GLRB: variants seen among roughly 807,000 people sequenced by gnomAD.
GLRB encodes glycine receptor subunit beta.
Under a neutral mutation model 54.2 loss-of-function variants are expected in GLRB, and 33 were observed. That is an observed-to-expected ratio of 0.61 (90% CI 0.46 to 0.81). The LOEUF is 0.81. Ranked by LOEUF, GLRB falls within the 40% of genes least tolerant of loss-of-function variation. The probability of loss-of-function intolerance (pLI) is 0.00; values close to 1 mark genes in which losing one functional copy is unlikely to be tolerated. For missense variants in GLRB, 572 were observed against 584.6 expected, an observed-to-expected ratio of 0.98 and a Z score of 0.22; for synonymous variants, 209 against 208.2, an observed-to-expected ratio of 1.00 and a Z score of -0.03.
At chr4:157,099,577 C>T (rs1010481007) in intron 2 of GLRB, among the ~76,000 whole-genome samples, 7 of 152,116 alleles carry the variant, frequency 4.6e-5, no homozygotes, top group Non-Finnish European at 7.3e-5. Flanking sequence ...CTCAAGTGAT[C>T]TGCCCGCCTT....
intron 4 of GLRB, among the ~76,000 whole-genome samples, chr4:157,125,542 T>C (rs1391087405): frequency 6.6e-6 from 1 of 151,900 alleles, no homozygotes; most frequent in East Asian, 1.9e-4. Context: ...TCCTAAAAAC[T>C]GAATTATTTC....
At chr4:157,080,136 C>G (rs180734071) in intron 2 of GLRB, among the ~76,000 whole-genome samples, 2 of 152,012 alleles carry the variant, frequency 1.3e-5, no homozygotes, top group African/African-American at 4.8e-5. Flanking sequence ...TATATACTTA[C>G]GGTGTGTATA....
chr4:157,122,676 G>A (rs888846009), intron 4 of GLRB, among the ~76,000 whole-genome samples: 5 of 151,798 alleles, frequency 3.3e-5, no homozygotes, highest in Admixed American at 6.6e-5. Context: ...TGGAGAAAGC[G>A]CTTATGCCAT....
intron 2 of GLRB, chr4:157,084,635 G>A: frequency 2.2e-6 from 1 of 456,138 alleles, no homozygotes; most frequent in Non-Finnish European, 4.4e-6. Context: ...ATGGTTTGAT[G>A]CCGTTATGAT....
intron 8 of GLRB, among the ~76,000 whole-genome samples, chr4:157,149,096 T>A (rs1478910965): frequency 1.3e-5 from 2 of 152,080 alleles, no homozygotes; most frequent in Non-Finnish European, 2.9e-5. Flanking sequence ...CTACTATTTT[T>A]CCCCTACATT....
intron 4 of GLRB, among the ~76,000 whole-genome samples, chr4:157,133,916 A>C (rs1044577303): frequency 3.3e-5 from 5 of 152,072 alleles, no homozygotes; most frequent in African/African-American, 1.2e-4. Context: ...GAAATTTAAA[A>C]ACAAAGCTAT....
intron 2 of GLRB, among the ~76,000 whole-genome samples, chr4:157,113,515 A>G (rs1735495520): frequency 6.6e-6 from 1 of 152,016 alleles, no homozygotes; most frequent in African/African-American, 2.4e-5. Flanking sequence ...ATATGAAGTT[A>G]AAAGTGACCA....
chr4:157,087,269 G>A (rs953181704), intron 2 of GLRB, among the ~76,000 whole-genome samples: 6 of 152,102 alleles, frequency 3.9e-5, no homozygotes, highest in African/African-American at 1.4e-4. Flanking sequence ...ACTAAATCAT[G>A]ATGGCAAAGA....
At chr4:157,077,322 A>T (rs931908202) in intron 1 of GLRB, among the ~76,000 whole-genome samples, 2 of 152,168 alleles carry the variant, frequency 1.3e-5, no homozygotes, top group African/African-American at 4.8e-5. Flanking sequence ...CTTTTTGATG[A>T]CAAATGTTAG....
At chr4:157,114,187 T>C (rs1459773071) in intron 2 of GLRB, among the ~76,000 whole-genome samples, 1 of 151,994 alleles carries the variant, frequency 6.6e-6, no homozygotes, top group African/African-American at 2.4e-5. Flanking sequence ...CAGTGTTTTT[T>C]TCATAAGCCC....
At chr4:157,121,861 T>A (rs1172899382) in intron 3 of GLRB, among the ~76,000 whole-genome samples, 1 of 151,666 alleles carries the variant, frequency 6.6e-6, no homozygotes, top group East Asian at 1.9e-4. Context: ...TTTCATGAAT[T>A]AAAAATTAAA....
chr4:157,122,486 C>A lies in GLRB; in HGVS notation c.297+89C>A, dbSNP rs183082392. ...ATTAAAATTGAACAATAAGGAGCAA[C>A]TCAAATAATCCATGCCCTTTCCTAG... is the stretch of plus-strand genomic sequence containing the variant. On this transcript the variant is annotated intron_variant, in intron 4 of 9. Coordinates refer to ENST00000264428, the MANE Select transcript of GLRB (RefSeq NM_000824.5). The A allele has an allele frequency of 1.5e-5, 8 of 544,492 alleles. No individual in the cohort carries two copies. In the East Asian group the frequency reaches 2.5e-4, roughly 17 times the overall value. The allele number at this position is 544,492 out of a possible 1,614,324, so 33.7% of individuals were successfully genotyped here.
Position 157,170,437 on chromosome 4 carries a change from T to A in GLRB, c.1203T>A (p.Gly401=). The change falls in exon 10 of 10, where the codon GGT becomes GGA. Residue 401 remains glycine (G), a synonymous_variant. Transcript: ENST00000264428. ...TCTTCAATATTTATTCTTAGGTTGG[T>A]GAGACCAGATGCAAAAAAGTTTGTA... is the stretch of plus-strand genomic sequence containing the variant. The part of the protein sequence containing the change: ...TPVHISTLQV[G]ETRCKKVCTS... The A allele has an allele frequency of 6.3e-7, 1 of 1,576,382 alleles. No individual in the cohort carries two copies. Among genetic ancestry groups the A allele is most frequent in the South Asian group, 1.1e-5 (1 of 90,230 alleles).
intron 9 of GLRB, among the ~76,000 whole-genome samples, chr4:157,160,697 C>T (rs370912299): frequency 6.6e-6 from 1 of 151,946 alleles, no homozygotes; most frequent in Non-Finnish European, 1.5e-5. Flanking sequence ...GTCTGAGAGA[C>T]AGTTTGTTAT....
chr4:157,079,301 C>A (rs1476575601), intron 2 of GLRB, among the ~76,000 whole-genome samples: 2 of 152,026 alleles, frequency 1.3e-5, no homozygotes, highest in African/African-American at 4.8e-5. Flanking sequence ...ATTCCAGCAT[C>A]ATTATTATTT....
At chr4:157,151,021 C>G (rs1392289379) in intron 8 of GLRB, among the ~76,000 whole-genome samples, 2 of 152,060 alleles carry the variant, frequency 1.3e-5, no homozygotes, top group Non-Finnish European at 2.9e-5. Context: ...TAAAAAGCCA[C>G]TACAGAACTC....
chr4:157,111,263 C>A (rs1360345938), intron 2 of GLRB, among the ~76,000 whole-genome samples: 1 of 151,974 alleles, frequency 6.6e-6, no homozygotes, highest in African/African-American at 2.4e-5. Context: ...GTGCACTGAG[C>A]TTTGGGGAGG....
chr4:157,167,556 C>T (rs1252126951), intron 9 of GLRB, among the ~76,000 whole-genome samples: 2 of 152,074 alleles, frequency 1.3e-5, no homozygotes, highest in Non-Finnish European at 2.9e-5. Context: ...TTTAAAAATT[C>T]AACTTAGATA....
At chr4:157,084,149 A>G (rs995144305) in intron 2 of GLRB, among the ~76,000 whole-genome samples, 1 of 152,152 alleles carries the variant, frequency 6.6e-6, no homozygotes, top group Non-Finnish European at 1.5e-5. Context: ...TGCCATTTCT[A>G]TTTTTGCTCA....
Sources: allele counts gnomAD v4.1 joint callset (sites outside exome capture counted in the v4.1 genomes callset), GRCh38; gene constraint gnomAD v4.1.1; transcripts MANE v1.5; gene names NCBI Gene and HGNC (gene_info 2026-07-23, HGNC 2026-07-21).